PGGT1B: variants seen among roughly 807,000 people sequenced by gnomAD.
PGGT1B encodes the protein geranylgeranyl transferase type-1 subunit beta.
PGGT1B carries 30 observed loss-of-function variants against 46.1 expected under a neutral mutation model. The observed-to-expected ratio is 0.65, with a 90% CI of 0.49 to 0.88. The LOEUF (loss-of-function observed/expected upper bound fraction) is 0.88. Among genes scored for constraint, PGGT1B ranks in the 40% least tolerant of loss-of-function variants. The pLI, the probability that PGGT1B is intolerant of heterozygous loss-of-function variation, is 0.00. For synonymous variants in PGGT1B, 170 were observed against 160.0 expected, an observed-to-expected ratio of 1.06 and a Z score of -0.47; for missense variants, 376 against 455.9, an observed-to-expected ratio of 0.82 and a Z score of 1.60.
In PGGT1B at chr5:115,237,893, T is replaced by C; in HGVS notation, c.444A>G (p.Leu148=). 1 of 1,611,838 alleles carries C rather than the reference T, an allele frequency of 6.2e-7. No homozygotes were observed. Among genetic ancestry groups the C allele is most frequent in the East Asian group, 2.2e-5 (1 of 44,852 alleles). ...CCAGCTGAAGGGCTCTCAAGCCCGCTAAGCAAGCTTCTTTATTTACTCGGC... is the reference window on the plus strand; with the variant it reads ...CCAGCTGAAGGGCTCTCAAGCCCGCCAAGCAAGCTTCTTTATTTACTCGGC... The part of the protein sequence containing the change: ...DLSRVNKEAC[L]AGLRALQLED... Residue 148 remains leucine, a synonymous_variant, in exon 4 of 9, where the codon TTA becomes TTG. Coordinates refer to ENST00000419445, the MANE Select transcript of PGGT1B (RefSeq NM_005023.4).
Position 115,209,493 on chromosome 5 carries a change from T to C in PGGT1B, c.*2909A>G. On this transcript the variant is annotated 3_prime_UTR_variant, in exon 9 of 9. Coordinates refer to ENST00000419445, the MANE Select transcript of PGGT1B (RefSeq NM_005023.4). ...GCAGAGCTGTCAGAAACCAGCTGCCTTCCTTCTACTTCCTCCCACAGATAC... is the reference window on the plus strand; with the variant it reads ...GCAGAGCTGTCAGAAACCAGCTGCCCTCCTTCTACTTCCTCCCACAGATAC... 6.6e-6 allele frequency: 1 copy of C among 152,128 alleles called. No individual in the cohort carries two copies. Among genetic ancestry groups the C allele is most frequent in the East Asian group, 1.9e-4 (1 of 5,200 alleles). The allele number at this position is 152,128 out of a possible 1,614,324, so 9.4% of individuals were successfully genotyped here.
rs115996766 is a variant in PGGT1B, at chr5:115,215,655, G to C, written c.952+1210C>G. Reference sequence around the variant, plus strand: ...AGTAGGGGTGTAAGGAAATATTCCTGCTCATTTCAAATACAAAAATTGATT... The same window carrying C: ...AGTAGGGGTGTAAGGAAATATTCCTCCTCATTTCAAATACAAAAATTGATT... On this transcript the variant is annotated intron_variant, in intron 8 of 8. Transcript: ENST00000419445. Among the ~76,000 whole-genome samples, 454 of 152,212 alleles carry C rather than the reference G, an allele frequency of 3.0e-3. 1 individual carries two copies. Among genetic ancestry groups the C allele is most frequent in the African/African-American group, 0.01 (422 of 41,526 alleles).
chr5:115,213,102 T>C (rs1756289042), intron 8 of PGGT1B, among the ~76,000 whole-genome samples: 1 of 152,238 alleles, frequency 6.6e-6, no homozygotes, highest in African/African-American at 2.4e-5. Context: ...AAAAGGAGCT[T>C]ATGCAAAAAT....
intron 7 of PGGT1B, among the ~76,000 whole-genome samples, chr5:115,220,413 A>T (rs1756552335): frequency 6.6e-6 from 1 of 151,896 alleles, no homozygotes; most frequent in African/African-American, 2.4e-5. Context: ...ATTCATAGTG[A>T]CAGAGAGCAG....
At chr5:115,248,913 A>G (rs1253087886) in intron 2 of PGGT1B, among the ~76,000 whole-genome samples, 1 of 152,166 alleles carries the variant, frequency 6.6e-6, no homozygotes, top group East Asian at 1.9e-4. Context: ...AATAGTAAAT[A>G]ATGTATTGCA....
rs1479226175 is a variant in PGGT1B at position 115,209,608 on chromosome 5, T to C, written c.*2794A>G. ...TGTCATCTAGCGTTGTAATAGTGTCTGTGGCTATCCTAGTTGCTCTGTATT... is the reference window on the plus strand; with the variant it reads ...TGTCATCTAGCGTTGTAATAGTGTCCGTGGCTATCCTAGTTGCTCTGTATT... On this transcript the variant is annotated 3_prime_UTR_variant, in exon 9 of 9. Transcript: ENST00000419445. 1.3e-5 allele frequency: 2 copies of C among 152,184 alleles called. No homozygotes were observed. Among genetic ancestry groups the C allele is most frequent in the African/African-American group, 4.8e-5 (2 of 41,462 alleles). The allele number at this position is 152,184 out of a possible 1,614,324, so 9.4% of individuals were successfully genotyped here.
At chr5:115,261,237 T>C (rs1049876766) in intron 1 of PGGT1B, among the ~76,000 whole-genome samples, 1 of 152,178 alleles carries the variant, frequency 6.6e-6, no homozygotes, top group African/African-American at 2.4e-5. Flanking sequence ...AATCTTTCAG[T>C]GAAGGTATAG....
chr5:115,219,622 G>A (rs527300034), intron 7 of PGGT1B, among the ~76,000 whole-genome samples: 3 of 151,888 alleles, frequency 2.0e-5, no homozygotes, highest in African/African-American at 7.2e-5. Flanking sequence ...AAAAACTTTT[G>A]TGCGTTAAAG....
At chr5:115,254,344 G>A (rs1341889472) in intron 1 of PGGT1B, among the ~76,000 whole-genome samples, 1 of 151,900 alleles carries the variant, frequency 6.6e-6, no homozygotes, top group Non-Finnish European at 1.5e-5. Context: ...ACCCCACTGG[G>A]ACAGGACCCA....
intron 7 of PGGT1B, among the ~76,000 whole-genome samples, chr5:115,221,276 A>G (rs553130554): frequency 3.0e-4 from 45 of 152,150 alleles, no homozygotes; most frequent in African/African-American, 9.6e-4. Flanking sequence ...GTGTGTATTT[A>G]GTGACTAAAT....
At chr5:115,244,193 C>T (rs1399438675) in intron 2 of PGGT1B, among the ~76,000 whole-genome samples, 1 of 152,050 alleles carries the variant, frequency 6.6e-6, no homozygotes, top group Non-Finnish European at 1.5e-5. Context: ...AGGTTGGGCG[C>T]GGTGGCTCAT....
chr5:115,259,725 C>CGAAA (rs1289161990), intron 1 of PGGT1B, among the ~76,000 whole-genome samples: 1 of 131,388 alleles, frequency 7.6e-6, no homozygotes, highest in Non-Finnish European at 1.6e-5. Context: ...AGGGAGGAAA[C>CGAAA]GAAAGAACAA....
At chr5:115,257,138 G>C (rs1296429951) in intron 1 of PGGT1B, among the ~76,000 whole-genome samples, 2 of 151,974 alleles carry the variant, frequency 1.3e-5, no homozygotes, top group Non-Finnish European at 2.9e-5. Context: ...TCAATTCACA[G>C]ACAAGAGGGT....
chr5:115,255,930 C>T (rs555098514), intron 1 of PGGT1B, among the ~76,000 whole-genome samples: 1 of 152,256 alleles, frequency 6.6e-6, no homozygotes, highest in South Asian at 2.1e-4. Context: ...TTAGAATCTG[C>T]TTAAAAACAA....
rs186254949 is a variant in PGGT1B at position 115,210,219 on chromosome 5, G to T, written c.*2183C>A. 6.6e-5 allele frequency: 10 copies of T among 152,096 alleles called. No individual in the cohort carries two copies. In the South Asian group the frequency reaches 2.1e-3, roughly 32 times the overall value. The allele number at this position is 152,096 out of a possible 1,614,324, so 9.4% of individuals were successfully genotyped here. ...AAAAAAAATGCCACAAAATTAGGGG[G>T]CGGGAAGGAGACAAGTATAGAGTAG... On this transcript the variant is annotated 3_prime_UTR_variant, in exon 9 of 9. Coordinates refer to ENST00000419445, the MANE Select transcript of PGGT1B (RefSeq NM_005023.4).
chr5:115,222,092 G>T, intron 6 of PGGT1B, 84 bp from the exon 7 acceptor site: 1 of 717,190 alleles, frequency 1.4e-6, no homozygotes, highest in Non-Finnish European at 2.1e-6. Context: ...GGAAAAAGTG[G>T]TTATATAATT....
chr5:115,213,038 T>C (rs1463985571), intron 8 of PGGT1B, among the ~76,000 whole-genome samples: 2 of 152,218 alleles, frequency 1.3e-5, no homozygotes, highest in Non-Finnish European at 2.9e-5. Flanking sequence ...CTCCACGTTT[T>C]ACCTCTGAAA....
At chr5:115,244,550 AAAAAT>A (rs1165868558) in intron 2 of PGGT1B, among the ~76,000 whole-genome samples, 2 of 151,870 alleles carry the variant, frequency 1.3e-5, no homozygotes, top group African/African-American at 4.8e-5. Context: ...TACTTAAAAA[AAAAAT>A]AAAAAGTTAT....
intron 8 of PGGT1B, among the ~76,000 whole-genome samples, chr5:115,216,041 G>A (rs1476221613): frequency 6.6e-6 from 1 of 152,164 alleles, no homozygotes; most frequent in Non-Finnish European, 1.5e-5. Flanking sequence ...AGGGCCTTGA[G>A]TGCCATGCCA....
Sources: gnomAD v4.1 joint callset for allele counts (sites outside exome capture counted in the v4.1 genomes callset) on GRCh38, gnomAD v4.1.1 for gene constraint, MANE v1.5 for transcripts, NCBI Gene and HGNC (gene_info 2026-07-23, HGNC 2026-07-21) for gene names.